The following ABR variants were observed in gnomAD, a reference collection of about 807,000 sequenced individuals.
ABR encodes active breakpoint cluster region-related protein.
Under a neutral mutation model 107.2 loss-of-function variants are expected in ABR, and 35 were observed. The observed-to-expected ratio is 0.33, with a 90% CI of 0.25 to 0.43. ABR has a LOEUF of 0.43. ABR is among the 20% of genes least tolerant of loss of function. The pLI, the probability that ABR is intolerant of heterozygous loss-of-function variation, is 1.00. For synonymous variants in ABR, 498 were observed against 462.0 expected (o/e 1.08, Z -1.00); for missense variants, 815 against 1,115.2 (o/e 0.73, Z 3.83).
intron 16 of ABR, among the ~76,000 whole-genome samples, chr17:1,045,735 C>T (rs1393917260): frequency 6.6e-6 from 1 of 152,252 alleles, no homozygotes; most frequent in East Asian, 1.9e-4. Flanking sequence ...TGGCTGACAT[C>T]TAGCATTCTT....
chr17:1,011,911 A>G lies in ABR; in HGVS notation c.2036T>C (p.Val679Ala). 1.2e-6 allele frequency: 2 copies of G among 1,611,298 alleles called. No individual in the cohort carries two copies. The highest frequency in any genetic ancestry group is 1.7e-6 in the Non-Finnish European group (2 of 1,177,912). ...CACGCCCGATATCCTGTAGATGCCA[A>G]CCTCCTCGATACCCCTCTTCTCCAC... Reference protein sequence around the residue: ...EEVEKRGIEEVGIYRISGVAT... With the variant: ...EEVEKRGIEEAGIYRISGVAT... Residue 679 changes from valine to alanine, a missense_variant, in exon 19 of 23, where the codon GTT (valine) becomes GCT (alanine). Around this residue, in one of 5 missense-constraint regions of ABR, gnomAD observed 175 missense variants for 284.3 expected, o/e 0.62. Transcript: ENST00000302538. The surrounding 1 kb of genome is among the most constrained non-coding windows in gnomAD (Gnocchi z 4.8).
At chr17:1,110,842 TCTC>T (rs548622436) in intron 2 of ABR, among the ~76,000 whole-genome samples, 37 of 152,260 alleles carry the variant, frequency 2.4e-4, no homozygotes, top group African/African-American at 7.5e-4. Context: ...ACCCCACCCA[TCTC>T]CTTCCAGCCC....
intron 2 of ABR, chr17:1,108,835 C>A (rs938954760): frequency 3.6e-6 from 5 of 1,401,454 alleles, no homozygotes; most frequent in Admixed American, 3.1e-5. Context: ...GGCTTCCACC[C>A]GGCCGCGCGC....
At chr17:1,173,082 AC>A (rs141012906) in intron 1 of ABR, among the ~76,000 whole-genome samples, 13 of 35,916 alleles carry the variant, frequency 3.6e-4, no homozygotes, top group Admixed American at 1.1e-3. Context: ...ACCTCAGTCC[AC>A]CCCCCCCATC....
intron 22 of ABR, among the ~76,000 whole-genome samples, chr17:1,006,751 C>T (rs1025603926): frequency 6.6e-6 from 1 of 151,896 alleles, no homozygotes; most frequent in African/African-American, 2.4e-5. Context: ...CCGCCAGCCA[C>T]GGGCCCGGGC....
chr17:1,031,952 G>C (rs979946793), intron 16 of ABR: 2 of 854,742 alleles, frequency 2.3e-6, no homozygotes, highest in African/African-American at 1.9e-5. Flanking sequence ...CGCCCTCCGC[G>C]AGGCTGCAGC....
At chr17:1,215,585 A>G (rs373763074) in intron 1 of ABR, among the ~76,000 whole-genome samples, 5,412 of 150,000 alleles carry the variant, frequency 0.036, 291 homozygotes, top group African/African-American at 0.12. Flanking sequence ...ATCTCGGCTC[A>G]CTATAACCTC....
chr17:1,173,276 CTCAG>C, intron 1 of ABR, among the ~76,000 whole-genome samples: 2 of 137,872 alleles, frequency 1.5e-5, no homozygotes, highest in Admixed American at 7.1e-5. Flanking sequence ...AACACATCAC[CTCAG>C]CCCACCCAAC....
intron 1 of ABR, among the ~76,000 whole-genome samples, chr17:1,176,245 A>G (rs2041915656): frequency 6.6e-6 from 1 of 152,208 alleles, no homozygotes; most frequent in African/African-American, 2.4e-5. Context: ...CAAGAGGCAC[A>G]GGGCCAGGTT....
At position 1,078,923 on chromosome 17, in the gene ABR, G is replaced by C; in HGVS notation, c.700+407C>G. 1 of 1,531,948 alleles carries C rather than the reference G, an allele frequency of 6.5e-7. No individual in the cohort carries two copies. Among genetic ancestry groups the C allele is most frequent in the Non-Finnish European group, 8.7e-7 (1 of 1,144,606 alleles). The allele number at this position is 1,531,948 out of a possible 1,614,324, so 94.9% of individuals were successfully genotyped here. On this transcript the variant is annotated intron_variant, in intron 6 of 22. Transcript: ENST00000302538. The surrounding 1 kb of genome is among the most constrained non-coding windows in gnomAD (Gnocchi z 7.5). The stretch of plus-strand genomic sequence containing the variant: ...GCTCCAGGCTCCCCGGCGCCCACCA[G>C]CAGCCCGGCCACTCAGCCACCTTGC...
chr17:1,018,205 G>A (rs2071328945), intron 16 of ABR, among the ~76,000 whole-genome samples: 1 of 151,818 alleles, frequency 6.6e-6, no homozygotes, highest in South Asian at 2.1e-4. Context: ...ACCACCCCCG[G>A]CTAATTTTTT....
intron 9 of ABR, among the ~76,000 whole-genome samples, chr17:1,068,218 C>T (rs927428125): frequency 6.6e-6 from 1 of 152,242 alleles, no homozygotes; most frequent in African/African-American, 2.4e-5. Context: ...CAGGCATAAG[C>T]CACCGTGCCC....
At chr17:1,087,304 C>T (rs953259423) in intron 4 of ABR, among the ~76,000 whole-genome samples, 27 of 152,190 alleles carry the variant, frequency 1.8e-4, no homozygotes, top group Non-Finnish European at 1.3e-4. Context: ...CCCAGAGAGG[C>T]TGGGGTGGGG....
In ABR at chr17:1,022,813, G is replaced by A. The variant is rs539454627; in HGVS notation, c.1792-9649C>T. Among the ~76,000 whole-genome samples, 101 of 152,362 alleles carry A rather than the reference G, an allele frequency of 6.6e-4. 1 individual carries two copies. The highest frequency in any genetic ancestry group is 1.9e-3 in the African/African-American group (79 of 41,588). On this transcript the variant is annotated intron_variant, in intron 16 of 22. Transcript: ENST00000302538. ...CCACAGATAGGCTCGGGCTGATGCC[G>A]TGTCCCAGGGCCTCGGCTGGCTTCC...
chr17:1,012,440 CGAG>C, intron 18 of ABR: 1 of 688,960 alleles, frequency 1.5e-6, no homozygotes, highest in Non-Finnish European at 2.7e-6. Context: ...CCGCTTGTTA[CGAG>C]GAGCAGACGA....
intron 12 of ABR, 87 bp from the exon 13 acceptor site, chr17:1,057,189 G>C: frequency 1.1e-6 from 1 of 874,552 alleles, no homozygotes; most frequent in Non-Finnish European, 1.9e-6. Flanking sequence ...GCAGGAAGAC[G>C]GCTTAATCCC....
chr17:1,089,617 T>C (rs2036882434), intron 4 of ABR, among the ~76,000 whole-genome samples: 1 of 152,114 alleles, frequency 6.6e-6, no homozygotes. Context: ...TCACGGTGCA[T>C]TCACTCATTC....
At chr17:1,121,119 C>T (rs2039326043) in intron 2 of ABR, among the ~76,000 whole-genome samples, 1 of 152,206 alleles carries the variant, frequency 6.6e-6, no homozygotes, top group African/African-American at 2.4e-5. Context: ...TGGACTTGGG[C>T]AGGGTTTATG....
At chr17:1,094,335 C>T (rs1194111340) in intron 3 of ABR, among the ~76,000 whole-genome samples, 1 of 152,002 alleles carries the variant, frequency 6.6e-6, no homozygotes, top group Non-Finnish European at 1.5e-5. Context: ...CTGGCATTCC[C>T]GTCAGTGCGT....
Sources: allele counts gnomAD v4.1 joint callset (sites outside exome capture counted in the v4.1 genomes callset), GRCh38; gene constraint gnomAD v4.1.1; regional missense constraint gnomAD v4.1.1; non-coding constraint Gnocchi (gnomAD v3.1); transcripts MANE v1.5; gene names NCBI Gene and HGNC (gene_info 2026-07-23, HGNC 2026-07-21).